TMEM117: variants seen among roughly 807,000 people sequenced by gnomAD.
TMEM117 encodes the protein transmembrane protein 117.
TMEM117 carries 27 observed loss-of-function variants against 52.4 expected under a neutral mutation model. That is an observed-to-expected ratio of 0.51 (90% CI 0.38 to 0.71). The LOEUF (loss-of-function observed/expected upper bound fraction) is 0.71. Among genes scored for constraint, TMEM117 ranks in the 30% least tolerant of loss-of-function variants. The pLI is 0.00. For missense variants in TMEM117, 556 were observed against 630.5 expected, an observed-to-expected ratio of 0.88 and a Z score of 1.26; for synonymous variants, 215 against 206.3, an observed-to-expected ratio of 1.04 and a Z score of -0.36.
chr12:43,851,888 A>C (rs1943314257), intron 2 of TMEM117, among the ~76,000 whole-genome samples: 1 of 152,232 alleles, frequency 6.6e-6, no homozygotes, highest in Non-Finnish European at 1.5e-5. Flanking sequence ...AATTTTGGTA[A>C]AGCATTTCTT....
At chr12:44,195,889 AAAATAAATAAAT>A (rs71091196) in intron 4 of TMEM117, among the ~76,000 whole-genome samples, 6,660 of 136,548 alleles carry the variant, frequency 0.049, 177 homozygotes, top group South Asian at 0.058. Context: ...CCCTGTCTCT[AAAATAAATAAAT>A]AAATAAATAA....
intron 6 of TMEM117, among the ~76,000 whole-genome samples, chr12:44,353,401 G>C (rs1393678755): frequency 1.8e-4 from 27 of 152,170 alleles, no homozygotes; most frequent in South Asian, 8.3e-4. Flanking sequence ...TATTGCCTAG[G>C]TTTTCTTGTA....
chr12:44,187,284 G>GT (rs1949291518), intron 4 of TMEM117, among the ~76,000 whole-genome samples: 1 of 151,888 alleles, frequency 6.6e-6, no homozygotes, highest in Admixed American at 6.6e-5. Flanking sequence ...ATTTTCATCT[G>GT]TTTTTTGATC....
intron 6 of TMEM117, among the ~76,000 whole-genome samples, chr12:44,305,976 A>G (rs1592680145): frequency 6.6e-6 from 1 of 152,248 alleles, no homozygotes; most frequent in Non-Finnish European, 1.5e-5. Flanking sequence ...CTTTACAGCA[A>G]CATGGATTCA....
At chr12:44,218,327 C>G (rs1367560917) in intron 5 of TMEM117, among the ~76,000 whole-genome samples, 2 of 152,246 alleles carry the variant, frequency 1.3e-5, no homozygotes, top group South Asian at 2.1e-4. Context: ...AAGGGTGATT[C>G]AACATCTGTA....
the TMEM117 span, among the ~76,000 whole-genome samples, chr12:43,830,045 GC>G: frequency 2.8e-5 from 4 of 144,504 alleles, no homozygotes; most frequent in African/African-American, 1.0e-4. Flanking sequence ...GCGAGATTGC[GC>G]CACTGCACTC....
chr12:44,340,689 AGCT>A (rs1202685874), intron 6 of TMEM117, among the ~76,000 whole-genome samples: 1 of 152,120 alleles, frequency 6.6e-6, no homozygotes, highest in Non-Finnish European at 1.5e-5. Context: ...AAGGAGATGG[AGCT>A]GGAGGTTGTG....
At chr12:44,054,037 A>T (rs1000981761) in intron 3 of TMEM117, among the ~76,000 whole-genome samples, 5 of 152,212 alleles carry the variant, frequency 3.3e-5, no homozygotes, top group African/African-American at 1.2e-4. Flanking sequence ...AGTGACGCAG[A>T]TCAAAGAAAT....
intron 2 of TMEM117, among the ~76,000 whole-genome samples, chr12:43,860,241 A>G (rs1240867621): frequency 2.0e-5 from 3 of 152,044 alleles, no homozygotes; most frequent in Non-Finnish European, 4.4e-5. Flanking sequence ...CATTTGTTGA[A>G]TTTGTGGATC....
chr12:44,035,398 G>T (rs1946695386), intron 3 of TMEM117, among the ~76,000 whole-genome samples: 1 of 152,184 alleles, frequency 6.6e-6, no homozygotes, highest in African/African-American at 2.4e-5. Context: ...TATGCGCAAT[G>T]CTGGACATTT....
At chr12:44,101,576 C>A (rs1227987878) in intron 3 of TMEM117, among the ~76,000 whole-genome samples, 1 of 151,976 alleles carries the variant, frequency 6.6e-6, no homozygotes, top group Non-Finnish European at 1.5e-5. Context: ...CCACATCATA[C>A]TACATACTGT....
At chr12:44,387,912 A>C in intron 7 of TMEM117, 114 bp from the exon 8 acceptor site, 1 of 951,984 alleles carries the variant, frequency 1.1e-6, no homozygotes, top group South Asian at 1.8e-5. Flanking sequence ...ATTGTTAACC[A>C]GTCTGAAACA....
chr12:44,385,668 C>T (rs957929644), intron 7 of TMEM117, among the ~76,000 whole-genome samples: 1 of 152,138 alleles, frequency 6.6e-6, no homozygotes, highest in African/African-American at 2.4e-5. Context: ...CTTCCCCCAC[C>T]ATCTGGTCTG....
Position 43,969,356 on chromosome 12 carries a change from T to TA in TMEM117, c.410+25031dup, listed in dbSNP as rs1166788465. 5.8e-4 allele frequency among the ~76,000 whole-genome samples: 46 copies of TA among 79,556 alleles called. 5 individuals are homozygous for TA. The highest frequency in any genetic ancestry group is 3.1e-3 in the African/African-American group (43 of 13,894). 52.2% of individuals were successfully genotyped at this position (79,556 alleles called of 152,430 possible). A position where few individuals can be genotyped will look rare whatever the true frequency, so the allele number is the denominator to read the frequency against. The stretch of plus-strand genomic sequence containing the variant: ...CAAGATGGTGAAACCCCGTCTCTAC[T>TA]AAAAAAAAAAAAAAAAATTAGCCAG... On this transcript the variant is annotated intron_variant, in intron 3 of 7. Transcript: ENST00000266534.
At chr12:43,944,136 C>A in intron 2 of TMEM117, 74 bp from the exon 3 acceptor site, 1 of 1,312,820 alleles carries the variant, frequency 7.6e-7, no homozygotes, top group Non-Finnish European at 1.1e-6. Flanking sequence ...TTAAAAGATT[C>A]ATTAAAATAA....
At chr12:44,160,099 A>C (rs1398862953) in intron 4 of TMEM117, among the ~76,000 whole-genome samples, 1 of 152,196 alleles carries the variant, frequency 6.6e-6, no homozygotes, top group Non-Finnish European at 1.5e-5. Context: ...CATTCCCTGA[A>C]GGTATTCCAA....
intron 3 of TMEM117, among the ~76,000 whole-genome samples, chr12:44,026,254 A>G (rs1453975423): frequency 6.6e-6 from 1 of 152,166 alleles, no homozygotes; most frequent in Non-Finnish European, 1.5e-5. Flanking sequence ...GTCCAAAATA[A>G]TTCCATAGGC....
chr12:43,806,098 G>C, the TMEM117 span: 3 of 1,521,032 alleles, frequency 2.0e-6, no homozygotes, highest in African/African-American at 4.1e-5. Context: ...GGCCCGGCTC[G>C]CCCCGCGAGA....
chr12:44,379,140 G>C (rs1565776266), intron 7 of TMEM117, among the ~76,000 whole-genome samples: 1 of 151,024 alleles, frequency 6.6e-6, no homozygotes. Flanking sequence ...AAGAAAGGAA[G>C]AAAGAGGAGG....
Sources: allele counts gnomAD v4.1 joint callset (sites outside exome capture counted in the v4.1 genomes callset), GRCh38; gene constraint gnomAD v4.1.1; transcripts MANE v1.5; gene names NCBI Gene and HGNC (gene_info 2026-07-23, HGNC 2026-07-21).